The following ANK2 variants were observed in gnomAD, a reference collection of about 807,000 sequenced individuals.
ANK2 encodes the protein ankyrin 2.
A neutral mutation model predicts 360.5 loss-of-function variants in ANK2; 83 were observed. The observed-to-expected ratio is 0.23, with a 90% CI of 0.19 to 0.28. The LOEUF (loss-of-function observed/expected upper bound fraction) is 0.28. ANK2 is among the 10% of genes least tolerant of loss of function. The pLI is 1.00. For synonymous variants in ANK2, 1,740 were observed against 1,759.5 expected, an observed-to-expected ratio of 0.99 and a Z score of 0.28; for missense variants, 4,201 against 4,795.7, an observed-to-expected ratio of 0.88 and a Z score of 3.66.
chr4:112,999,067 C>T (rs2049663317), intron 2 of ANK2, among the ~76,000 whole-genome samples: 1 of 152,112 alleles, frequency 6.6e-6, no homozygotes, highest in African/African-American at 2.4e-5. Flanking sequence ...TATTGCAACA[C>T]ATACATTATA....
At chr4:113,310,859 T>C (rs1425140100) in intron 23 of ANK2, among the ~76,000 whole-genome samples, 3 of 152,260 alleles carry the variant, frequency 2.0e-5, no homozygotes, top group African/African-American at 7.2e-5. Flanking sequence ...TGTAGTCTCC[T>C]GAAATGTTAA....
chr4:112,744,120 A>C, the ANK2 span, among the ~76,000 whole-genome samples: 3,048 of 151,670 alleles, frequency 0.02, 109 homozygotes, highest in African/African-American at 0.07. Flanking sequence ...CCAGGCCCGG[A>C]CATTTTGGCT....
intron 2 of ANK2, among the ~76,000 whole-genome samples, chr4:112,930,396 C>A (rs1172908896): frequency 6.6e-6 from 1 of 150,982 alleles, no homozygotes; most frequent in African/African-American, 2.4e-5. Context: ...CTATGGTGAG[C>A]TGAGATCACG....
At chr4:112,991,870 A>G (rs1040692424) in intron 2 of ANK2, among the ~76,000 whole-genome samples, 1 of 151,838 alleles carries the variant, frequency 6.6e-6, no homozygotes, top group African/African-American at 2.4e-5. Context: ...TCCACTATAT[A>G]AAAAGGATTG....
At chr4:113,231,799 TC>T (rs1385227407) in intron 4 of ANK2, among the ~76,000 whole-genome samples, 1 of 151,986 alleles carries the variant, frequency 6.6e-6, no homozygotes, top group African/African-American at 2.4e-5. Flanking sequence ...AGATGCGGTT[TC>T]ACCATTGTCC....
At chr4:112,825,301 A>C (rs1045581700) in intron 1 of ANK2, among the ~76,000 whole-genome samples, 1 of 152,112 alleles carries the variant, frequency 6.6e-6, no homozygotes, top group Non-Finnish European at 1.5e-5. Flanking sequence ...ACAAACCTGC[A>C]TGTTGTGCAC....
At chr4:113,060,175 C>T (rs2072440390) in intron 1 of ANK2, among the ~76,000 whole-genome samples, 1 of 151,986 alleles carries the variant, frequency 6.6e-6, no homozygotes, top group Admixed American at 6.6e-5. Context: ...AAGTCTACCT[C>T]AATCAAACCC....
At chr4:113,286,537 C>T (rs2064696654) in intron 18 of ANK2, among the ~76,000 whole-genome samples, 3 of 152,200 alleles carry the variant, frequency 2.0e-5, no homozygotes, top group South Asian at 4.1e-4. Flanking sequence ...TTTTGAAGAA[C>T]ATGGCTTAGC....
chr4:113,071,114 G>T (rs749272020), intron 1 of ANK2, among the ~76,000 whole-genome samples: 6 of 152,158 alleles, frequency 3.9e-5, no homozygotes. Context: ...CCATCCCATA[G>T]TCCTAAAATA....
chr4:113,287,941 G>A (rs756056787), intron 19 of ANK2, among the ~76,000 whole-genome samples: 1 of 152,192 alleles, frequency 6.6e-6, no homozygotes, highest in African/African-American at 2.4e-5. Context: ...CAATTTTGCA[G>A]CCTTAAGTCT....
At chr4:113,130,951 A>G (rs2095987347) in intron 1 of ANK2, among the ~76,000 whole-genome samples, 1 of 152,224 alleles carries the variant, frequency 6.6e-6, no homozygotes, top group Admixed American at 6.5e-5. Flanking sequence ...TTTATAAATT[A>G]ACAAGGAAAT....
intron 2 of ANK2, among the ~76,000 whole-genome samples, chr4:113,008,124 T>TA (rs2053540150): frequency 6.6e-6 from 1 of 151,278 alleles, no homozygotes; most frequent in Non-Finnish European, 1.5e-5. Flanking sequence ...TTTTTTTTTT[T>TA]AACTGAATGA....
chr4:112,854,313 G>T (rs1036188624), intron 1 of ANK2, among the ~76,000 whole-genome samples: 10 of 152,184 alleles, frequency 6.6e-5, no homozygotes, highest in Admixed American at 6.5e-4. Context: ...GTGAGTGAAA[G>T]ACCAAAAATT....
At chr4:113,202,436 TA>T (rs1339974105) in intron 4 of ANK2, among the ~76,000 whole-genome samples, 1 of 152,206 alleles carries the variant, frequency 6.6e-6, no homozygotes, top group African/African-American at 2.4e-5. Context: ...ATCCTGAATG[TA>T]CAACAAAATG....
At chr4:112,969,354 A>G (rs1213942025) in intron 2 of ANK2, among the ~76,000 whole-genome samples, 1 of 152,168 alleles carries the variant, frequency 6.6e-6, no homozygotes, top group Non-Finnish European at 1.5e-5. Flanking sequence ...ATCTACAGGC[A>G]TTCATGTAGG....
chr4:113,327,746 G>A (rs139673819), intron 26 of ANK2, among the ~76,000 whole-genome samples: 45 of 152,212 alleles, frequency 3.0e-4, no homozygotes, highest in African/African-American at 9.9e-4. Context: ...GTGACATCTG[G>A]GGCTTACACC....
chr4:112,954,697 A>G (rs972543094), intron 2 of ANK2, among the ~76,000 whole-genome samples: 1 of 152,180 alleles, frequency 6.6e-6, no homozygotes, highest in Non-Finnish European at 1.5e-5. Context: ...TTCTTTGACA[A>G]GGTCTTTTTA....
intron 4 of ANK2, among the ~76,000 whole-genome samples, chr4:113,223,276 A>C (rs2099171227): frequency 6.6e-6 from 1 of 152,216 alleles, no homozygotes. Context: ...TGTCGTGGTT[A>C]AGGCTGCTGA....
intron 1 of ANK2, among the ~76,000 whole-genome samples, chr4:113,112,245 C>T (rs2094372698): frequency 6.6e-6 from 1 of 152,080 alleles, no homozygotes. Context: ...AAAGAGAGCA[C>T]ACAAAATACA....
Sources: allele counts gnomAD v4.1 joint callset (sites outside exome capture counted in the v4.1 genomes callset), GRCh38; gene constraint gnomAD v4.1.1; transcripts MANE v1.5; gene names NCBI Gene and HGNC (gene_info 2026-07-23, HGNC 2026-07-21).